The following WLS variants were observed in gnomAD, a reference collection of about 807,000 sequenced individuals.
WLS encodes protein wntless homolog.
WLS carries 23 observed loss-of-function variants against 62.8 expected under a neutral mutation model. The ratio of observed to expected loss-of-function variants is 0.37; its 90% CI spans 0.26 to 0.52. The LOEUF (loss-of-function observed/expected upper bound fraction) is 0.52. Among genes scored for constraint, WLS ranks in the 20% least tolerant of loss-of-function variants. The pLI, the probability that WLS is intolerant of heterozygous loss-of-function variation, is 0.92. For missense variants in WLS, 615 were observed against 697.3 expected (o/e 0.88, Z 1.33); for synonymous variants, 246 against 244.1 (o/e 1.01, Z -0.07).
intron 2 of WLS, among the ~76,000 whole-genome samples, chr1:68,180,957 G>C (rs1647532940): frequency 1.3e-5 from 2 of 152,200 alleles, no homozygotes; most frequent in African/African-American, 4.8e-5. Context: ...AGCAAAAGAG[G>C]ATCTGGAACT....
intron 5 of WLS, among the ~76,000 whole-genome samples, chr1:68,151,091 C>G (rs1646819803): frequency 6.6e-6 from 1 of 152,154 alleles, no homozygotes; most frequent in Non-Finnish European, 1.5e-5. Context: ...AGATTAGGAT[C>G]AGGAACATCA....
chr1:68,124,110 C>T (rs1024341582), downstream of WLS, among the ~76,000 whole-genome samples: 4 of 152,194 alleles, frequency 2.6e-5, no homozygotes, highest in African/African-American at 9.7e-5. Context: ...TTCTGTGCAA[C>T]CCACATCCAG....
rs1171427587 is a variant in WLS at position 68,098,737 on chromosome 1, A to G, written c.1527T>C (p.Cys509=). Residue 509 remains cysteine, a synonymous_variant, in exon 12 of 12, where the codon TGT becomes TGC. Transcript: ENST00000354777. ...ACAAAGCACAATCTTCCCTCGATTT[A>G]CATGGGAGTTGCATTCCTGGAAAAT... 3 of 1,613,692 alleles carry G rather than the reference A, an allele frequency of 1.9e-6. No individual in the cohort carries two copies. In the African/African-American group the frequency reaches 4.0e-5, roughly 22 times the overall value.
chr1:68,138,042 G>T, intron 10 of WLS, 109 bp from the exon 11 acceptor site: 2 of 1,332,530 alleles, frequency 1.5e-6, no homozygotes, highest in Non-Finnish European at 1.0e-6. Flanking sequence ...TCTACATGTG[G>T]GAAACATGAA....
chr1:68,227,257 A>G (rs1650187405), intron 1 of WLS, among the ~76,000 whole-genome samples: 1 of 152,124 alleles, frequency 6.6e-6, no homozygotes, highest in Non-Finnish European at 1.5e-5. Flanking sequence ...GTCTCTACTA[A>G]AAATACAACA....
chr1:68,173,054 C>A (rs569535206), intron 2 of WLS, among the ~76,000 whole-genome samples: 1 of 152,230 alleles, frequency 6.6e-6, no homozygotes, highest in Non-Finnish European at 1.5e-5. Context: ...CCACTGCTAA[C>A]ACAGTTCTCA....
At chr1:68,230,286 T>A (rs1285152552) in intron 1 of WLS, among the ~76,000 whole-genome samples, 2 of 151,980 alleles carry the variant, frequency 1.3e-5, no homozygotes, top group Non-Finnish European at 2.9e-5. Context: ...AGGATGAAGG[T>A]CAGACAGGGA....
At chr1:68,186,773 T>C in intron 2 of WLS, 1 of 419,576 alleles carries the variant, frequency 2.4e-6, no homozygotes, top group Non-Finnish European at 4.7e-6. Context: ...AACATGTGTG[T>C]ATATGTATAT....
chr1:68,231,868 G>A (rs1211792156), intron 1 of WLS: 2 of 319,640 alleles, frequency 6.3e-6, no homozygotes, highest in Non-Finnish European at 1.2e-5. Flanking sequence ...GGGGGGGGGG[G>A]GGGGCGAGCA....
chr1:68,166,661 A>T (rs1412647604), intron 2 of WLS, among the ~76,000 whole-genome samples: 1 of 152,228 alleles, frequency 6.6e-6, no homozygotes, highest in African/African-American at 2.4e-5. Flanking sequence ...GAAACAGGCA[A>T]TGTTCCTGGG....
At chr1:68,228,884 T>C (rs949489655) in intron 1 of WLS, among the ~76,000 whole-genome samples, 3 of 63,000 alleles carry the variant, frequency 4.8e-5, no homozygotes, top group Admixed American at 3.3e-4. Context: ...AGCAAAAAAA[T>C]GTGTTTTTTT....
chr1:68,139,494 T>A (rs1646657589), intron 10 of WLS, among the ~76,000 whole-genome samples: 1 of 152,080 alleles, frequency 6.6e-6, no homozygotes, highest in Admixed American at 6.6e-5. Context: ...CTGTATGTGA[T>A]TAAGGAGGGG....
chr1:68,171,563 A>T (rs1161307765), intron 2 of WLS, among the ~76,000 whole-genome samples: 1 of 152,250 alleles, frequency 6.6e-6, no homozygotes, highest in African/African-American at 2.4e-5. Context: ...CGTGAAAAAA[A>T]GCTCATCATC....
At chr1:68,211,778 G>T (rs1649526619) in intron 1 of WLS, among the ~76,000 whole-genome samples, 1 of 152,126 alleles carries the variant, frequency 6.6e-6, no homozygotes, top group Non-Finnish European at 1.5e-5. Flanking sequence ...TTGGACATGG[G>T]TATCCTACCA....
At chr1:68,168,544 G>A (rs1341014940) in intron 2 of WLS, among the ~76,000 whole-genome samples, 1 of 152,092 alleles carries the variant, frequency 6.6e-6, no homozygotes. Context: ...GAATAAAAGG[G>A]GAAAAAGGAG....
intron 2 of WLS, among the ~76,000 whole-genome samples, chr1:68,166,246 T>C (rs958309311): frequency 6.6e-6 from 1 of 152,234 alleles, no homozygotes; most frequent in African/African-American, 2.4e-5. Flanking sequence ...TATAAAGTCA[T>C]TGAAATTGCC....
intron 2 of WLS, chr1:68,186,452 TCTC>T: frequency 2.7e-6 from 1 of 375,336 alleles, no homozygotes. Flanking sequence ...TGAAATCTCT[TCTC>T]ATTGTTTGAA....
In WLS at chr1:68,159,172, G is replaced by T. The variant is rs1034138201; in HGVS notation, c.455C>A (p.Ala152Asp). 2 of 1,613,948 alleles carry T rather than the reference G, an allele frequency of 1.2e-6. No homozygotes were observed. Among genetic ancestry groups the T allele is most frequent in the African/African-American group, 1.3e-5 (1 of 74,884 alleles). ...GAGTTTCCGTGGTACTCTTTCATGG[G>T]CCATTTCAGTCCACTCAGCAAACGC... ...DDAFAEWTEM[A>D]HERVPRKLKC... is the part of the protein sequence containing the mutation. Residue 152 changes from alanine (A) to aspartate (D), a missense_variant, in exon 3 of 12, where the codon GCC becomes GAC. By Grantham distance (126) the Ala-to-Asp change is moderately radical (BLOSUM62 -2). Coordinates refer to ENST00000262348, the MANE Select transcript of WLS (RefSeq NM_024911.7).
chr1:68,224,250 AG>A (rs1650048959), intron 1 of WLS, among the ~76,000 whole-genome samples: 2 of 152,218 alleles, frequency 1.3e-5, no homozygotes, highest in Admixed American at 1.3e-4. Flanking sequence ...GGATTTAAAT[AG>A]GCATAGCAGA....
Sources: gnomAD v4.1 joint callset for allele counts (sites outside exome capture counted in the v4.1 genomes callset) on GRCh38, gnomAD v4.1.1 for gene constraint, MANE v1.5 for transcripts, NCBI Gene and HGNC (gene_info 2026-07-23, HGNC 2026-07-21) for gene names.